DNAH12: variants seen among roughly 807,000 people sequenced by gnomAD.
The protein encoded by DNAH12 is dynein axonemal heavy chain 12.
DNAH12 carries 285 observed loss-of-function variants against 371.5 expected under a neutral mutation model. That is an observed-to-expected ratio of 0.77 (90% CI 0.70 to 0.85). DNAH12 has a LOEUF of 0.85. Among genes scored for constraint, DNAH12 ranks in the 40% least tolerant of loss-of-function variants. The probability of loss-of-function intolerance (pLI) is 0.00; values close to 1 mark genes in which losing one functional copy is unlikely to be tolerated. For synonymous variants in DNAH12, 1,200 were observed against 1,213.0 expected, an observed-to-expected ratio of 0.99 and a Z score of 0.22; for missense variants, 3,611 against 3,689.4, an observed-to-expected ratio of 0.98 and a Z score of 0.55.
intron 32 of DNAH12, among the ~76,000 whole-genome samples, chr3:57,430,596 A>G (rs780469816): frequency 6.6e-6 from 1 of 152,178 alleles, no homozygotes; most frequent in Non-Finnish European, 1.5e-5. Context: ...CTTGTCTATT[A>G]TTAAAGCCAT....
intron 13 of DNAH12, among the ~76,000 whole-genome samples, chr3:57,481,030 C>T (rs2153383259): frequency 6.6e-6 from 1 of 152,308 alleles, no homozygotes; most frequent in Admixed American, 6.5e-5. Flanking sequence ...TGCCCTCTTT[C>T]ACCACTCCTA....
chr3:57,457,852 C>T lies in DNAH12; in HGVS notation c.3205G>A (p.Glu1069Lys). ...NLDIKAMYSS[E>K]GERVELIALI... ...GCAATCAGCTCCACTCGCTCGCCCTCAGAGCTATACATGGCTTTAATGTCC... is the reference window on the plus strand; with the variant it reads ...GCAATCAGCTCCACTCGCTCGCCCTTAGAGCTATACATGGCTTTAATGTCC... Residue 1069 changes from glutamate (E) to lysine (K), a missense_variant, in exon 22 of 74, where the codon GAG becomes AAG. Transcript: ENST00000495027. The T allele has an allele frequency of 1.3e-6, 2 of 1,551,604 alleles. No homozygotes were observed. Among genetic ancestry groups the T allele is most frequent in the South Asian group, 1.2e-5 (1 of 84,066 alleles).
chr3:57,365,592 C>T (rs1191286969), intron 57 of DNAH12, among the ~76,000 whole-genome samples: 7 of 152,090 alleles, frequency 4.6e-5, no homozygotes, highest in Non-Finnish European at 7.4e-5. Context: ...GCACATCATG[C>T]ACATGTATCC....
At chr3:57,480,730 T>A (rs1345320783) in intron 13 of DNAH12, among the ~76,000 whole-genome samples, 4 of 152,154 alleles carry the variant, frequency 2.6e-5, no homozygotes, top group Non-Finnish European at 5.9e-5. Context: ...CATGATCAAG[T>A]GGGTTTCATC....
chr3:57,441,226 T>C (rs771611316), intron 29 of DNAH12, among the ~76,000 whole-genome samples: 39 of 152,072 alleles, frequency 2.6e-4, no homozygotes, highest in Admixed American at 8.5e-4. Context: ...AAAGAACCAA[T>C]TGGACACACT....
chr3:57,544,100 T>C (rs768380706), intron 1 of DNAH12, 97 bp downstream of exon 1: 2 of 152,166 alleles, frequency 1.3e-5, no homozygotes, highest in African/African-American at 2.4e-5. Context: ...GCCTACAGGA[T>C]TTGGAGATTC....
At chr3:57,300,468 T>G (rs758558796) in intron 70 of DNAH12, among the ~76,000 whole-genome samples, 62 of 152,032 alleles carry the variant, frequency 4.1e-4, no homozygotes, top group Non-Finnish European at 7.9e-4. Context: ...CATGAAAAGC[T>G]CCTATCAATT....
At chr3:57,404,431 T>C (rs1301458914) in intron 42 of DNAH12, among the ~76,000 whole-genome samples, 2 of 152,134 alleles carry the variant, frequency 1.3e-5, no homozygotes, top group Non-Finnish European at 2.9e-5. Context: ...AAACAAAAGT[T>C]TCGGCCAGGT....
intron 2 of DNAH12, among the ~76,000 whole-genome samples, chr3:57,538,900 C>T (rs1354586420): frequency 6.6e-6 from 1 of 152,300 alleles, no homozygotes; most frequent in East Asian, 1.9e-4. Flanking sequence ...TGTTATATGG[C>T]ACTTAAGCTC....
intron 25 of DNAH12, among the ~76,000 whole-genome samples, chr3:57,447,972 G>C (rs190120781): frequency 6.6e-6 from 1 of 152,210 alleles, no homozygotes; most frequent in Non-Finnish European, 1.5e-5. Flanking sequence ...ACCACACCTG[G>C]CCAACCTATT....
chr3:57,411,157 C>T (rs1009098879), intron 39 of DNAH12, among the ~76,000 whole-genome samples: 4 of 152,176 alleles, frequency 2.6e-5, no homozygotes, highest in Admixed American at 1.3e-4. Flanking sequence ...TTATAGCAAG[C>T]TTGTAAAGAG....
At chr3:57,448,297 G>A (rs544953385) in intron 25 of DNAH12, among the ~76,000 whole-genome samples, 1 of 152,168 alleles carries the variant, frequency 6.6e-6, no homozygotes, top group African/African-American at 2.4e-5. Context: ...GAGTGAAGCT[G>A]CAGACCTTCA....
chr3:57,524,236 G>A (rs1370391863), intron 2 of DNAH12, among the ~76,000 whole-genome samples: 1 of 152,076 alleles, frequency 6.6e-6, no homozygotes, highest in Non-Finnish European at 1.5e-5. Flanking sequence ...ATATTAAGTA[G>A]TACCTCCTTC....
At chr3:57,348,022 C>T (rs1168823225) in intron 60 of DNAH12, among the ~76,000 whole-genome samples, 1 of 152,150 alleles carries the variant, frequency 6.6e-6, no homozygotes, top group Non-Finnish European at 1.5e-5. Flanking sequence ...CTGGTACTTA[C>T]CCAAAGGAGT....
At chr3:57,414,307 T>TA (rs1040246399) in intron 38 of DNAH12, among the ~76,000 whole-genome samples, 178 of 152,360 alleles carry the variant, frequency 1.2e-3, no homozygotes, top group African/African-American at 4.0e-3. Flanking sequence ...ACAACATTTC[T>TA]ACAAGTGTCA....
In DNAH12 at chr3:57,541,044, C is replaced by G. The variant is rs543507952; in HGVS notation, c.170+1657G>C. On this transcript the variant is annotated intron_variant, in intron 2 of 73. Coordinates refer to ENST00000495027, the MANE Select transcript of DNAH12 (RefSeq NM_001366028.2). ...AAGGAGGAATGCATCTCTCCCCCTCCCTTTTATTTTTTTGAGATGGAGTCT... is the reference window on the plus strand; with the variant it reads ...AAGGAGGAATGCATCTCTCCCCCTCGCTTTTATTTTTTTGAGATGGAGTCT... Among the ~76,000 whole-genome samples, 616 of 151,852 alleles carry G rather than the reference C, an allele frequency of 4.1e-3. 3 individuals carry two copies. Among genetic ancestry groups the G allele is most frequent in the African/African-American group, 0.014 (563 of 41,424 alleles).
chr3:57,389,516 A>G (rs1282733349), intron 45 of DNAH12, among the ~76,000 whole-genome samples: 1 of 151,922 alleles, frequency 6.6e-6, no homozygotes, highest in Non-Finnish European at 1.5e-5. Context: ...TTCTCAGTGC[A>G]CTTTATTTCA....
At chr3:57,410,840 C>T (rs891777985) in intron 39 of DNAH12, among the ~76,000 whole-genome samples, 3 of 147,142 alleles carry the variant, frequency 2.0e-5, no homozygotes, top group Non-Finnish European at 3.0e-5. Context: ...AAGCCAAAAA[C>T]GTCCTAGTAA....
intron 58 of DNAH12, among the ~76,000 whole-genome samples, chr3:57,361,454 ATATATATATATATATATC>A (rs2062932497): frequency 7.0e-6 from 1 of 143,528 alleles, no homozygotes; most frequent in African/African-American, 2.7e-5. Flanking sequence ...CTATATATAT[ATATATATATATATATATC>A]TCATTCAGCT....
Sources: allele counts gnomAD v4.1 joint callset (sites outside exome capture counted in the v4.1 genomes callset), GRCh38; gene constraint gnomAD v4.1.1; transcripts MANE v1.5; gene names NCBI Gene and HGNC (gene_info 2026-07-23, HGNC 2026-07-21).